Variants in TSPAN4 observed in about 807,000 individuals in gnomAD.
The protein encoded by TSPAN4 is tetraspanin-4.
In TSPAN4, 38 loss-of-function variants were observed where a neutral mutation model predicts 31.5. The ratio of observed to expected loss-of-function variants is 1.21; its 90% CI spans 0.93 to 1.58. The LOEUF (loss-of-function observed/expected upper bound fraction) is 1.58, where lower values mean the gene tolerates loss of function less well. Ranked by LOEUF, TSPAN4 falls within the 40% of genes most tolerant of loss-of-function variation. The pLI, the probability that TSPAN4 is intolerant of heterozygous loss-of-function variation, is 0.00. For missense variants in TSPAN4, 330 were observed against 317.3 expected, an observed-to-expected ratio of 1.04 and a Z score of -0.30; for synonymous variants, 186 against 144.6, an observed-to-expected ratio of 1.29 and a Z score of -2.06.
chr11:859,873 C>T (rs1263267301), intron 3 of TSPAN4: 1 of 152,228 alleles, frequency 6.6e-6, no homozygotes, highest in Admixed American at 6.5e-5. Flanking sequence ...CCTGCAGCCA[C>T]GAGGGGCTGT....
intron 3 of TSPAN4, among the ~76,000 whole-genome samples, chr11:858,892 G>A (rs1387443940): frequency 1.0e-5 from 1 of 99,308 alleles, no homozygotes; most frequent in Non-Finnish European, 1.9e-5. Flanking sequence ...TGGGTCACAC[G>A]CATCCCCGCT....
At chr11:865,230 C>CA (rs1358953696) in intron 5 of TSPAN4, 1 of 458,292 alleles carries the variant, frequency 2.2e-6, no homozygotes, top group Non-Finnish European at 4.0e-6. Context: ...AGCATGGCTG[C>CA]ACGTGTCCCG....
chr11:852,343 C>T (rs945715203), intron 3 of TSPAN4, among the ~76,000 whole-genome samples: 4 of 152,046 alleles, frequency 2.6e-5, no homozygotes, highest in East Asian at 3.9e-4. Flanking sequence ...AGGTTGGTCT[C>T]GAACTCCTGA....
intron 2 of TSPAN4, chr11:849,021 C>T (rs902040302): frequency 2.0e-5 from 12 of 594,140 alleles, no homozygotes; most frequent in Middle Eastern, 2.7e-4. Flanking sequence ...TTCTGGGCCC[C>T]TTGTTTAAAA....
Position 853,761 on chromosome 11 carries a change from C to T in TSPAN4, c.63+3394C>T, listed in dbSNP as rs541887863. On this transcript the variant is annotated intron_variant, in intron 3 of 8. Transcript: ENST00000397397. The stretch of plus-strand genomic sequence containing the variant: ...CCTTCAGCAAATAGAGGCCCTCACC[C>T]GGTGATGGCAGCTCCGCTGGGGCAC... Among the ~76,000 whole-genome samples the T allele has an allele frequency of 3.3e-5, 5 of 152,300 alleles. No homozygotes were observed. In the South Asian group the frequency reaches 6.2e-4, roughly 19 times the overall value.
In TSPAN4 at chr11:866,440, C is replaced by G. The variant is rs568268241; in HGVS notation, c.649-122C>G. The G allele has an allele frequency of 9.7e-6, 8 of 825,890 alleles. No homozygotes were observed. In the African/African-American group the frequency reaches 1.1e-4, roughly 11 times the overall value. 51.2% of individuals were successfully genotyped at this position (825,890 alleles called of 1,614,324 possible). ...ACCAGGAAGCTGAAGGGCTCTGCCA[C>G]TGTGTCGCCCACCCTGGGGTCGGGG... On this transcript the variant is annotated intron_variant, in intron 8 of 8. Coordinates refer to ENST00000397397, the MANE Select transcript of TSPAN4 (RefSeq NM_003271.5).
In TSPAN4 at chr11:866,612, AG is replaced by A; in HGVS notation, c.700del (p.Asp234ThrfsTer?). The A allele has an allele frequency of 6.2e-7, 1 of 1,613,294 alleles. No homozygotes were observed. Among genetic ancestry groups the A allele is most frequent in the South Asian group, 1.1e-5 (1 of 91,058 alleles). ...CCATGTACTGCCAAGTGGTCAAGGCAGACACCTACTGCGCGTAGGCCGCCCA... is the reference window on the plus strand; with the variant it reads ...CCATGTACTGCCAAGTGGTCAAGGCAACACCTACTGCGCGTAGGCCGCCCA... ...MTMYCQVVKA[D>X]TYCA is the part of the protein sequence containing the mutation. On this transcript the variant is annotated frameshift_variant, in exon 9 of 9. Coordinates refer to ENST00000397397, the MANE Select transcript of TSPAN4 (RefSeq NM_003271.5). LOFTEE classifies it high-confidence loss of function.
At position 865,922 on chromosome 11, in the gene TSPAN4, G is replaced by C. The variant is rs1271699863; in HGVS notation, c.569G>C (p.Cys190Ser). Residue 190 changes from cysteine (C) to serine (S), a missense_variant, in exon 8 of 9, where the codon TGC becomes TCC. Physicochemically the swap from Cys to Ser is moderately radical, Grantham distance 112. Transcript: ENST00000397397. Reference protein sequence around the residue: ...HAPGTWWKAPCYETVKVWLQE... With the variant: ...HAPGTWWKAPSYETVKVWLQE... ...GCATGACATCCCTCCCTGCAGCCGT[G>C]CTACGAGACGGTGAAGGTGTGGCTT... The C allele has an allele frequency of 6.2e-7, 1 of 1,613,164 alleles. No individual in the cohort carries two copies.
At chr11:856,130 G>C (rs1297960276) in intron 3 of TSPAN4, among the ~76,000 whole-genome samples, 2 of 152,178 alleles carry the variant, frequency 1.3e-5, no homozygotes, top group African/African-American at 4.8e-5. Flanking sequence ...AGCAGAGAAT[G>C]CATGGGCCTC....
intron 3 of TSPAN4, chr11:857,311 G>T (rs1288325373): frequency 6.6e-6 from 1 of 152,192 alleles, no homozygotes; most frequent in Non-Finnish European, 1.5e-5. Context: ...TCCCCATGGG[G>T]CGAGGGGAGC....
At position 849,276 on chromosome 11, in the gene TSPAN4, C is replaced by T. The variant is rs1382929017; in HGVS notation, c.-17-1012C>T. Reference sequence around the variant, plus strand: ...CGCTTTTCTGTGTTCTGGAACCTCCCATATAGTCAAAGACTCAACGACACC... The same window carrying T: ...CGCTTTTCTGTGTTCTGGAACCTCCTATATAGTCAAAGACTCAACGACACC... On this transcript the variant is annotated intron_variant, in intron 2 of 8. Transcript: ENST00000397397. Among the ~76,000 whole-genome samples, 3 of 152,102 alleles carry T rather than the reference C, an allele frequency of 2.0e-5. No homozygotes were observed. In the South Asian group the frequency reaches 6.2e-4, roughly 31 times the overall value.
chr11:862,830 C>G lies in TSPAN4; in HGVS notation c.255+89C>G, dbSNP rs189615400. The G allele has an allele frequency of 4.8e-4, 658 of 1,364,592 alleles. 3 individuals are homozygous for G. In the African/African-American group the frequency reaches 9.0e-3, roughly 19 times the overall value. The allele number at this position is 1,364,592 out of a possible 1,614,324, so 84.5% of individuals were successfully genotyped here. Reference sequence around the variant, plus strand: ...CCAGGCCTTGGCTGCCGCAGTGACCCCCCAGACGTGGGCACCACCTCTGGG... The same window carrying G: ...CCAGGCCTTGGCTGCCGCAGTGACCGCCCAGACGTGGGCACCACCTCTGGG... On this transcript the variant is annotated intron_variant, in intron 4 of 8. Transcript: ENST00000397397.
chr11:858,940 ACCCCCAACAGCT>A (rs1848237727), intron 3 of TSPAN4, among the ~76,000 whole-genome samples: 1 of 56,680 alleles, frequency 1.8e-5, no homozygotes, highest in Non-Finnish European at 3.4e-5. Context: ...CCGGGCTCAC[ACCCCCAACAGCT>A]TGCACCCCCG....
In TSPAN4 at chr11:866,646, C is replaced by T. The variant is rs1474475501; in HGVS notation, c.*16C>T. The T allele has an allele frequency of 1.2e-6, 2 of 1,608,536 alleles. No individual in the cohort carries two copies. The highest frequency in any genetic ancestry group is 8.5e-7 in the Non-Finnish European group (1 of 1,177,926). ...CTGCGCGTAGGCCGCCCACCGCCCG[C>T]TTCTCTGCCAAAAGGACGCCCACGG... On this transcript the variant is annotated 3_prime_UTR_variant, in exon 9 of 9. Coordinates refer to ENST00000397397, the MANE Select transcript of TSPAN4 (RefSeq NM_003271.5).
chr11:857,842 T>G (rs1219221372), intron 3 of TSPAN4: 1 of 152,416 alleles, frequency 6.6e-6, no homozygotes, highest in Non-Finnish European at 1.5e-5. Flanking sequence ...GGATGTACTC[T>G]GAGCTGCTGA....
chr11:864,406 G>C, intron 4 of TSPAN4, 31 bp from the exon 5 acceptor site: 1 of 1,609,890 alleles, frequency 6.2e-7, no homozygotes, highest in Non-Finnish European at 8.5e-7. Flanking sequence ...GCGGCCTTTC[G>C]GGTCCCTGTC....
Position 864,444 on chromosome 11 carries a change from T to C in TSPAN4, c.263T>C (p.Leu88Pro), listed in dbSNP as rs767593317. 1.3e-6 allele frequency: 2 copies of C among 1,586,910 alleles called. No homozygotes were observed. The highest frequency in any genetic ancestry group is 1.1e-5 in the South Asian group (1 of 89,752). Residue 88 changes from leucine (L) to proline (P), a missense_variant, in exon 5 of 9, where the codon CTG becomes CCG. Coordinates refer to ENST00000397397, the MANE Select transcript of TSPAN4 (RefSeq NM_003271.5). ...AGCCTGCCCCCTCCACAGTTCTTCC[T>C]GCTGCTGCTGCTGGTGTTCCTGCTG... ...ENKCLLLTFFLLLLLVFLLEA... is the reference protein window; with the variant it reads ...ENKCLLLTFFPLLLLVFLLEA...
In TSPAN4 at chr11:850,312, G is replaced by A; in HGVS notation, c.8G>A (p.Arg3His). 6.2e-7 allele frequency: 1 copy of A among 1,606,498 alleles called. No homozygotes were observed. Among genetic ancestry groups the A allele is most frequent in the Non-Finnish European group, 8.5e-7 (1 of 1,178,576 alleles). The change falls in exon 3 of 9, where the codon CGC (arginine) becomes CAC (histidine). Residue 3 changes from arginine (R) to histidine (H), a missense_variant. Transcript: ENST00000397397. The part of the protein sequence containing the change: MA[R>H]ACLQAVKYLM... ...GAACTGAAGCGCTGCGGCATGGCGCGCGCCTGCCTCCAGGCCGTCAAGTAC... is the reference window on the plus strand; with the variant it reads ...GAACTGAAGCGCTGCGGCATGGCGCACGCCTGCCTCCAGGCCGTCAAGTAC...
chr11:864,846 C>T (rs900885533), intron 5 of TSPAN4: 8 of 399,214 alleles, frequency 2.0e-5, no homozygotes, highest in Middle Eastern at 6.7e-4. Context: ...CTCTGTAGAG[C>T]GGCCTCTTCT....
Sources: allele counts gnomAD v4.1 joint callset (sites outside exome capture counted in the v4.1 genomes callset), GRCh38; gene constraint gnomAD v4.1.1; transcripts MANE v1.5; gene names NCBI Gene and HGNC (gene_info 2026-07-23, HGNC 2026-07-21).